Variants in C14orf39 observed in about 807,000 individuals in gnomAD.
C14orf39 encodes chromosome 14 open reading frame 39.
In C14orf39, 66 loss-of-function variants were observed where a neutral mutation model predicts 85.6. The observed-to-expected ratio is 0.77, with a 90% confidence interval of 0.63 to 0.95. The LOEUF (loss-of-function observed/expected upper bound fraction) is 0.95. C14orf39 is among the 40% of genes least tolerant of loss of function. The probability of loss-of-function intolerance (pLI) is 0.00; values close to 1 mark genes in which losing one functional copy is unlikely to be tolerated. For missense variants in C14orf39, 735 were observed against 663.9 expected, an observed-to-expected ratio of 1.11 and a Z score of -1.18; for synonymous variants, 242 against 214.0, an observed-to-expected ratio of 1.13 and a Z score of -1.14.
intron 7 of C14orf39, among the ~76,000 whole-genome samples, chr14:60,469,948 T>G (rs1891993714): frequency 1.4e-5 from 2 of 143,202 alleles, no homozygotes; most frequent in Non-Finnish European, 3.0e-5. Context: ...TTTTTTTTTT[T>G]GCTTTTTAAA....
chr14:60,438,149 C>A (rs1046180787), intron 17 of C14orf39, among the ~76,000 whole-genome samples: 2 of 151,728 alleles, frequency 1.3e-5, no homozygotes, highest in African/African-American at 2.4e-5. Flanking sequence ...AATTTTTTAA[C>A]TTTCATATAT....
At chr14:60,505,112 C>T (rs555937601) in intron 1 of C14orf39, among the ~76,000 whole-genome samples, 1 of 152,122 alleles carries the variant, frequency 6.6e-6, no homozygotes, top group Admixed American at 6.5e-5. Context: ...AATTTAACAA[C>T]ACTAGGAAAT....
chr14:60,455,130 A>T lies in C14orf39; in HGVS notation c.1374T>A (p.Asn458Lys). 1.3e-6 allele frequency: 2 copies of T among 1,559,504 alleles called. No homozygotes were observed. Among genetic ancestry groups the T allele is most frequent in the Non-Finnish European group, 1.7e-6 (2 of 1,159,918 alleles). Residue 458 changes from asparagine (N) to lysine (K), a missense_variant, in exon 16 of 18, where the codon AAT becomes AAA. Coordinates refer to ENST00000321731, the MANE Select transcript of C14orf39 (RefSeq NM_174978.3). ...TPPFEINRNR[N>K]AVPEVQTEKE... ...TTTCTGTTTGAACTTCAGGTACTGCATTTCTATTTCTGTTACTGAGAAATA... is the reference window on the plus strand; with the variant it reads ...TTTCTGTTTGAACTTCAGGTACTGCTTTTCTATTTCTGTTACTGAGAAATA...
chr14:60,449,836 A>G (rs904898222), intron 16 of C14orf39, among the ~76,000 whole-genome samples: 1 of 152,228 alleles, frequency 6.6e-6, no homozygotes, highest in Non-Finnish European at 1.5e-5. Context: ...ATTATTAGCT[A>G]AATTATTTAA....
At position 60,469,667 on chromosome 14, in the gene C14orf39, G is replaced by T; in HGVS notation, c.555-14C>A. On this transcript the variant is annotated splice_polypyrimidine_tract_variant and intron_variant, in intron 7 of 17. Transcript: ENST00000321731. The stretch of plus-strand genomic sequence containing the variant: ...CTCAAATTAACACTTTTTATGTTAA[G>T]GAACTATGTCATATAAGTAAATTTT... 9.2e-7 allele frequency: 1 copy of T among 1,087,912 alleles called. No individual in the cohort carries two copies. The highest frequency in any genetic ancestry group is 1.3e-6 in the Non-Finnish European group (1 of 781,194). 67.4% of individuals were successfully genotyped at this position (1,087,912 alleles called of 1,614,324 possible).
At chr14:60,500,686 C>T (rs1346597312) in intron 1 of C14orf39, among the ~76,000 whole-genome samples, 1 of 152,030 alleles carries the variant, frequency 6.6e-6, no homozygotes, top group Non-Finnish European at 1.5e-5. Flanking sequence ...TAAATACTTT[C>T]ATCAAAGGGG....
chr14:60,453,205 C>A (rs1321522989), intron 16 of C14orf39, among the ~76,000 whole-genome samples: 1 of 152,010 alleles, frequency 6.6e-6, no homozygotes, highest in African/African-American at 2.4e-5. Flanking sequence ...CTCTTTAATT[C>A]TGTTACATTT....
At chr14:60,460,344 C>T (rs1214452561) in intron 13 of C14orf39, among the ~76,000 whole-genome samples, 1 of 151,666 alleles carries the variant, frequency 6.6e-6, no homozygotes, top group African/African-American at 2.4e-5. Flanking sequence ...AGATCACCTG[C>T]ACATGTAATA....
intron 2 of C14orf39, among the ~76,000 whole-genome samples, chr14:60,497,549 G>C (rs947671891): frequency 2.6e-5 from 4 of 152,128 alleles, no homozygotes; most frequent in African/African-American, 9.7e-5. Flanking sequence ...GGAAGAATCT[G>C]CTACCTCTAG....
Position 60,457,109 on chromosome 14 carries a change from G to A in C14orf39, c.1180-14C>T. On this transcript the variant is annotated splice_polypyrimidine_tract_variant and intron_variant, in intron 14 of 17. Coordinates refer to ENST00000321731, the MANE Select transcript of C14orf39 (RefSeq NM_174978.3). ...AGTATATATAGCCTGCAAATTCAAA[G>A]TAACAGAAAACTATAAAACAAATGC... 15 of 1,508,292 alleles carry A rather than the reference G, an allele frequency of 9.9e-6. No homozygotes were observed. The highest frequency in any genetic ancestry group is 1.3e-5 in the Non-Finnish European group (15 of 1,123,684). The allele number at this position is 1,508,292 out of a possible 1,614,324, so 93.4% of individuals were successfully genotyped here.
chr14:60,456,796 TG>T, intron 15 of C14orf39, 120 bp downstream of exon 15: 1 of 783,628 alleles, frequency 1.3e-6, no homozygotes, highest in Non-Finnish European at 1.9e-6. Context: ...CTTCTTTGCA[TG>T]TCTGAAATAC....
chr14:60,474,978 A>T (rs1381487876), intron 5 of C14orf39, among the ~76,000 whole-genome samples: 2 of 152,170 alleles, frequency 1.3e-5, no homozygotes, highest in Non-Finnish European at 1.5e-5. Context: ...AAGGAATGGT[A>T]CCAGCTCCTC....
intron 5 of C14orf39, among the ~76,000 whole-genome samples, chr14:60,477,145 A>T (rs1216517086): frequency 6.6e-6 from 1 of 152,324 alleles, no homozygotes; most frequent in East Asian, 1.9e-4. Flanking sequence ...TGTATAAATG[A>T]CAAGACAAGT....
At chr14:60,441,951 G>A in intron 17 of C14orf39, 123 bp downstream of exon 17, 1 of 663,806 alleles carries the variant, frequency 1.5e-6, no homozygotes, top group Non-Finnish European at 2.7e-6. Flanking sequence ...TCAGTGAGTA[G>A]TGCAGAAGTA....
At chr14:60,513,493 T>G (rs1333985802) in intron 1 of C14orf39, among the ~76,000 whole-genome samples, 1 of 152,182 alleles carries the variant, frequency 6.6e-6, no homozygotes, top group Non-Finnish European at 1.5e-5. Context: ...CTCATCCTAG[T>G]CCTTAATCTG....
intron 8 of C14orf39, among the ~76,000 whole-genome samples, chr14:60,468,915 G>A (rs950382303): frequency 3.3e-5 from 5 of 151,336 alleles, no homozygotes; most frequent in Non-Finnish European, 5.9e-5. Flanking sequence ...CTTAATGAAA[G>A]ATAAGTATAC....
At chr14:60,463,815 AAACTT>A (rs1426428181) in intron 11 of C14orf39, among the ~76,000 whole-genome samples, 1 of 152,094 alleles carries the variant, frequency 6.6e-6, no homozygotes, top group African/African-American at 2.4e-5. Flanking sequence ...TTGCAAATAA[AAACTT>A]AACTGTATTC....
chr14:60,445,679 C>T (rs541052003), intron 16 of C14orf39, among the ~76,000 whole-genome samples: 4 of 152,234 alleles, frequency 2.6e-5, no homozygotes, highest in Non-Finnish European at 4.4e-5. Flanking sequence ...CAAGGATATC[C>T]AGGACTTGAA....
At chr14:60,499,916 T>C (rs1893116367) in intron 1 of C14orf39, among the ~76,000 whole-genome samples, 1 of 152,192 alleles carries the variant, frequency 6.6e-6, no homozygotes, top group Non-Finnish European at 1.5e-5. Context: ...TCATTAATAA[T>C]CAAAGAAATG....
Sources: gnomAD v4.1 joint callset for allele counts (sites outside exome capture counted in the v4.1 genomes callset) on GRCh38, gnomAD v4.1.1 for gene constraint, MANE v1.5 for transcripts, NCBI Gene and HGNC (gene_info 2026-07-23, HGNC 2026-07-21) for gene names.